The following SLC49A4 variants were observed in gnomAD, a reference collection of about 807,000 sequenced individuals.
The protein encoded by SLC49A4 is disrupted in renal cancer protein 2.
SLC49A4 carries 36 observed loss-of-function variants against 50.6 expected under a neutral mutation model. The ratio of observed to expected loss-of-function variants is 0.71; its 90% CI spans 0.55 to 0.94. The LOEUF is 0.94. Ranked by LOEUF, SLC49A4 falls within the 40% of genes least tolerant of loss-of-function variation. The pLI is 0.00. For synonymous variants in SLC49A4, 248 were observed against 241.2 expected, an observed-to-expected ratio of 1.03 and a Z score of -0.26; for missense variants, 503 against 605.7, an observed-to-expected ratio of 0.83 and a Z score of 1.78.
At chr3:122,802,441 G>A (rs1350937924) in intron 1 of SLC49A4, among the ~76,000 whole-genome samples, 1 of 152,182 alleles carries the variant, frequency 6.6e-6, no homozygotes, top group Non-Finnish European at 1.5e-5. Context: ...TGGATCTGCA[G>A]GGTGTTCCTC....
intron 4 of SLC49A4, among the ~76,000 whole-genome samples, chr3:122,842,453 T>C: frequency 8.9e-6 from 1 of 112,990 alleles, no homozygotes; most frequent in African/African-American, 3.5e-5. Context: ...GCCACTGCAC[T>C]CCAGCCTGGG....
intron 3 of SLC49A4, 27 bp downstream of exon 3, chr3:122,827,092 T>A (rs1305428963): frequency 6.3e-7 from 1 of 1,588,862 alleles, no homozygotes; most frequent in Admixed American, 1.7e-5. Context: ...TTTCTTCTTG[T>A]TATACTTTGT....
rs1935994984 is a variant in SLC49A4 at position 122,795,170 on chromosome 3, G to A, written c.-23G>A. ...GGTGACCCGGACTGCGCCCGGCAGT[G>A]GCTTCGCGGGCGACGCGTCGCCATG... On this transcript the variant is annotated 5_prime_UTR_variant, in exon 1 of 9. Coordinates refer to ENST00000261038, the MANE Select transcript of SLC49A4 (RefSeq NM_032839.3). The A allele has an allele frequency of 2.3e-6, 3 of 1,314,432 alleles. No individual in the cohort carries two copies. The highest frequency in any genetic ancestry group is 2.4e-5 in the South Asian group (1 of 41,388). 81.4% of individuals were successfully genotyped at this position (1,314,432 alleles called of 1,614,324 possible). A position where few individuals can be genotyped will look rare whatever the true frequency, so the allele number is the denominator to read the frequency against.
At chr3:122,833,531 A>G in intron 4 of SLC49A4, 85 bp downstream of exon 4, 1 of 1,314,386 alleles carries the variant, frequency 7.6e-7, no homozygotes, top group Non-Finnish European at 1.0e-6. Context: ...TAAGATAGTA[A>G]TTTTTCAGCA....
At chr3:122,805,421 T>A (rs561774231) in intron 1 of SLC49A4, among the ~76,000 whole-genome samples, 1 of 152,210 alleles carries the variant, frequency 6.6e-6, no homozygotes, top group Non-Finnish European at 1.5e-5. Context: ...ATAATTATAG[T>A]CTTGTTGACT....
At chr3:122,805,019 C>T (rs1936194612) in intron 1 of SLC49A4, among the ~76,000 whole-genome samples, 2 of 152,108 alleles carry the variant, frequency 1.3e-5, no homozygotes, top group Admixed American at 1.3e-4. Context: ...AAATAAATAT[C>T]ATGTAGAATG....
intron 2 of SLC49A4, among the ~76,000 whole-genome samples, chr3:122,812,074 G>A (rs1936307160): frequency 6.6e-6 from 1 of 152,074 alleles, no homozygotes; most frequent in African/African-American, 2.4e-5. Flanking sequence ...TCCTGCCTCA[G>A]CCTCCCATGT....
chr3:122,807,744 G>A (rs970211012), intron 2 of SLC49A4, among the ~76,000 whole-genome samples: 3 of 152,058 alleles, frequency 2.0e-5, no homozygotes, highest in Non-Finnish European at 2.9e-5. Context: ...ACTCAAGTTC[G>A]AGAGATACTG....
intron 2 of SLC49A4, among the ~76,000 whole-genome samples, chr3:122,813,744 A>C (rs186667125): frequency 2.2e-3 from 336 of 152,350 alleles, no homozygotes; most frequent in African/African-American, 8.0e-3. Flanking sequence ...TGCTAGAGGC[A>C]GATGTTGATA....
intron 7 of SLC49A4, among the ~76,000 whole-genome samples, chr3:122,862,219 G>A (rs1937065728): frequency 6.6e-6 from 1 of 152,070 alleles, no homozygotes; most frequent in South Asian, 2.1e-4. Flanking sequence ...TATCATACAT[G>A]TTATTAAATA....
chr3:122,811,687 T>C (rs1196385440), intron 2 of SLC49A4, among the ~76,000 whole-genome samples: 6 of 152,178 alleles, frequency 3.9e-5, no homozygotes, highest in African/African-American at 1.4e-4. Flanking sequence ...AGAGAACTGA[T>C]TAGGATGCAG....
At chr3:122,816,404 A>AT (rs967509634) in intron 2 of SLC49A4, among the ~76,000 whole-genome samples, 1 of 151,912 alleles carries the variant, frequency 6.6e-6, no homozygotes, top group Non-Finnish European at 1.5e-5. Context: ...TAATGTTCTG[A>AT]TTTTTTTCCA....
chr3:122,824,456 A>G (rs1022314274), intron 2 of SLC49A4, among the ~76,000 whole-genome samples: 1 of 152,020 alleles, frequency 6.6e-6, no homozygotes, highest in Non-Finnish European at 1.5e-5. Context: ...CTGCTTGGGT[A>G]ATAGTCTATT....
intron 6 of SLC49A4, 116 bp from the exon 7 acceptor site, chr3:122,859,959 T>G (rs1937037319): frequency 1.2e-5 from 11 of 951,238 alleles, no homozygotes; most frequent in Non-Finnish European, 1.6e-5. Context: ...CACTGAAAAC[T>G]GTCTTTTAAA....
chr3:122,834,264 T>C (rs190399737), intron 4 of SLC49A4, among the ~76,000 whole-genome samples: 41 of 152,292 alleles, frequency 2.7e-4, no homozygotes, highest in Admixed American at 1.0e-3. Context: ...TCTGCTGCAG[T>C]AATACTGTCC....
chr3:122,830,436 A>G (rs892835024), intron 3 of SLC49A4, among the ~76,000 whole-genome samples: 5 of 152,250 alleles, frequency 3.3e-5, no homozygotes, highest in Admixed American at 1.3e-4. Context: ...ATAAGATAGC[A>G]TAGTACTGGC....
At chr3:122,796,921 A>T (rs1197717731) in intron 1 of SLC49A4, among the ~76,000 whole-genome samples, 5 of 152,166 alleles carry the variant, frequency 3.3e-5, no homozygotes, top group African/African-American at 1.2e-4. Flanking sequence ...ATTTGAGGGG[A>T]ACACATTCAG....
At chr3:122,812,713 A>AC (rs1936315634) in intron 2 of SLC49A4, among the ~76,000 whole-genome samples, 1 of 152,240 alleles carries the variant, frequency 6.6e-6, no homozygotes, top group African/African-American at 2.4e-5. Flanking sequence ...TTAAACAAAT[A>AC]CCTTTATGCT....
At chr3:122,857,108 T>C (rs556564254) in intron 6 of SLC49A4, among the ~76,000 whole-genome samples, 2 of 152,192 alleles carry the variant, frequency 1.3e-5, no homozygotes, top group South Asian at 4.2e-4. Flanking sequence ...GTGTCCTGAT[T>C]AGCAGACATT....
Sources: gnomAD v4.1 joint callset for allele counts (sites outside exome capture counted in the v4.1 genomes callset) on GRCh38, gnomAD v4.1.1 for gene constraint, MANE v1.5 for transcripts, NCBI Gene and HGNC (gene_info 2026-07-23, HGNC 2026-07-21) for gene names.